Variants in SPIRE2 observed in about 807,000 individuals in gnomAD.
SPIRE2 encodes the protein protein spire homolog 2.
Under a neutral mutation model 80.7 loss-of-function variants are expected in SPIRE2, and 76 were observed. That is an observed-to-expected ratio of 0.94 (90% confidence interval 0.78 to 1.14). The LOEUF (loss-of-function observed/expected upper bound fraction) is 1.14, where lower values mean the gene tolerates loss of function less well. Among genes scored for constraint, SPIRE2 ranks in the 50% most tolerant of loss-of-function variants. The probability of loss-of-function intolerance (pLI) is 0.00; values close to 1 mark genes in which losing one functional copy is unlikely to be tolerated. For synonymous variants in SPIRE2, 535 were observed against 432.6 expected, an observed-to-expected ratio of 1.24 and a Z score of -2.94; for missense variants, 1,196 against 1,015.3, an observed-to-expected ratio of 1.18 and a Z score of -2.42.
At chr16:89,837,293 G>C (rs2041459660) in intron 1 of SPIRE2, among the ~76,000 whole-genome samples, 1 of 152,212 alleles carries the variant, frequency 6.6e-6, no homozygotes, top group South Asian at 2.1e-4. Flanking sequence ...GACTCGGATG[G>C]TGGTGAGGGG....
chr16:89,833,758 C>T (rs907271275), intron 1 of SPIRE2, among the ~76,000 whole-genome samples: 4 of 152,076 alleles, frequency 2.6e-5, no homozygotes, highest in African/African-American at 7.2e-5. Flanking sequence ...GGGAGCAGCA[C>T]GTGTGGGTCC....
At chr16:89,859,768 G>A (rs755280132) in intron 9 of SPIRE2, among the ~76,000 whole-genome samples, 10 of 152,094 alleles carry the variant, frequency 6.6e-5, no homozygotes, top group African/African-American at 9.7e-5. Flanking sequence ...TCCTTTTCGC[G>A]CTGCTGAGCA....
chr16:89,866,779 G>A (rs964541769), intron 12 of SPIRE2, among the ~76,000 whole-genome samples: 1 of 150,916 alleles, frequency 6.6e-6, no homozygotes, highest in Non-Finnish European at 1.5e-5. Context: ...TGGCTAATTT[G>A]TTTGCATTTC....
rs1182652996 is a variant in SPIRE2, at chr16:89,856,229, T to C, written c.1095T>C (p.Ala365=). 2.5e-6 allele frequency: 4 copies of C among 1,572,854 alleles called. No individual in the cohort carries two copies. Among genetic ancestry groups the C allele is most frequent in the Non-Finnish European group, 3.4e-6 (4 of 1,160,102 alleles). Residue 365 remains alanine, a synonymous_variant, in exon 7 of 15, where the codon GCT becomes GCC. Coordinates refer to ENST00000378247, the MANE Select transcript of SPIRE2 (RefSeq NM_032451.2). Reference sequence around the variant, plus strand: ...GCCCGGTGCGGGGCGAGGGCTGGGCTGCCCGCGGTGAGTGAGGGGATGGCA... The same window carrying C: ...GCCCGGTGCGGGGCGAGGGCTGGGCCGCCCGCGGTGAGTGAGGGGATGGCA... ...RLRPVRGEGW[A]ARGFGSLPCI...
intron 1 of SPIRE2, among the ~76,000 whole-genome samples, chr16:89,834,110 A>G (rs2041415797): frequency 6.6e-6 from 1 of 151,536 alleles, no homozygotes; most frequent in Non-Finnish European, 1.5e-5. Context: ...CCGTCGTAGA[A>G]GCATGGATAA....
Position 89,845,284 on chromosome 16 carries a change from G to A in SPIRE2, c.245-38G>A, listed in dbSNP as rs563189765. 2.8e-5 allele frequency: 45 copies of A among 1,607,096 alleles called. 1 individual carries two copies. The South Asian group carries it at 4.1e-4, about 15-fold the overall frequency. ...CAGCAGTGTTTATTGGGGTCCCGGGGATGCTGACAAATAACTTAACTCCCT... is the reference window on the plus strand; with the variant it reads ...CAGCAGTGTTTATTGGGGTCCCGGGAATGCTGACAAATAACTTAACTCCCT... On this transcript the variant is annotated intron_variant, in intron 1 of 14. Coordinates refer to ENST00000378247, the MANE Select transcript of SPIRE2 (RefSeq NM_032451.2).
intron 1 of SPIRE2, among the ~76,000 whole-genome samples, chr16:89,844,361 A>T (rs560917230): frequency 2.6e-5 from 4 of 151,468 alleles, no homozygotes; most frequent in African/African-American, 9.7e-5. Flanking sequence ...CTTTTAGTAG[A>T]GATAGGGTTT....
intron 9 of SPIRE2, among the ~76,000 whole-genome samples, chr16:89,859,604 T>G (rs1457578405): frequency 1.3e-5 from 2 of 152,190 alleles, no homozygotes; most frequent in Non-Finnish European, 2.9e-5. Context: ...ATGATTCTAT[T>G]ACCTAGACAT....
Position 89,870,197 on chromosome 16 carries a change from C to A in SPIRE2, c.2070C>A (p.Leu690=). 1 of 1,609,646 alleles carries A rather than the reference C, an allele frequency of 6.2e-7. No individual in the cohort carries two copies. Among genetic ancestry groups the A allele is most frequent in the Non-Finnish European group, 8.5e-7 (1 of 1,178,206 alleles). ...VRSSRKSVDV[L]NTTPRRSRQT... is the part of the protein sequence containing the mutation. ...CCAGCCGCAAGAGCGTGGACGTCCT[C>A]AACACTACGCCACGACGCAGTCGCC... The change falls in exon 15 of 15, where the codon CTC becomes CTA. Residue 690 remains leucine, a synonymous_variant. Coordinates refer to ENST00000378247, the MANE Select transcript of SPIRE2 (RefSeq NM_032451.2).
intron 1 of SPIRE2, among the ~76,000 whole-genome samples, chr16:89,841,000 G>C (rs543102405): frequency 6.6e-6 from 1 of 151,960 alleles, no homozygotes; most frequent in South Asian, 2.1e-4. Flanking sequence ...TAGCATCTTT[G>C]TTCTAGTCAT....
chr16:89,855,440 G>C (rs771997305), intron 5 of SPIRE2, among the ~76,000 whole-genome samples, 160 bp from the exon 6 acceptor site: 1 of 152,136 alleles, frequency 6.6e-6, no homozygotes, highest in African/African-American at 2.4e-5. Context: ...TGGATCTGCC[G>C]TGCGTTTACC....
intron 1 of SPIRE2, among the ~76,000 whole-genome samples, chr16:89,845,095 G>C (rs2041545260): frequency 6.6e-6 from 1 of 152,174 alleles, no homozygotes; most frequent in Admixed American, 6.5e-5. Flanking sequence ...GGGTTGCCTT[G>C]CTCTCCCGGC....
chr16:89,849,369 C>A (rs1030433137), intron 2 of SPIRE2, among the ~76,000 whole-genome samples: 5 of 152,266 alleles, frequency 3.3e-5, no homozygotes, highest in Admixed American at 6.5e-5. Context: ...GCCTCCGTCC[C>A]TGTCCCCACG....
At position 89,870,438 on chromosome 16, in the gene SPIRE2, G is replaced by A. The variant is rs1161014814; in HGVS notation, c.*166G>A. 6 of 567,508 alleles carry A rather than the reference G, an allele frequency of 1.1e-5. No individual in the cohort carries two copies. The South Asian group carries it at 1.1e-4, about 11-fold the overall frequency. The allele number at this position is 567,508 out of a possible 1,614,324, so 35.2% of individuals were successfully genotyped here. On this transcript the variant is annotated 3_prime_UTR_variant, in exon 15 of 15. Transcript: ENST00000378247. ...GTTTCCTGGCCCCAGAGCTCATTTGGGTTCAGGCGCACTTCAAAACCCTCC... is the reference window on the plus strand; with the variant it reads ...GTTTCCTGGCCCCAGAGCTCATTTGAGTTCAGGCGCACTTCAAAACCCTCC...
intron 1 of SPIRE2, among the ~76,000 whole-genome samples, chr16:89,837,775 G>A (rs1242173779): frequency 6.6e-6 from 1 of 152,170 alleles, no homozygotes; most frequent in African/African-American, 2.4e-5. Flanking sequence ...CGCCCCGTGC[G>A]GGGGGCGTGT....
chr16:89,847,921 C>A (rs918691181), intron 2 of SPIRE2, among the ~76,000 whole-genome samples: 3 of 152,186 alleles, frequency 2.0e-5, no homozygotes, highest in African/African-American at 7.2e-5. Context: ...CAGGGAGTGG[C>A]CTAGAGGGGC....
intron 1 of SPIRE2, among the ~76,000 whole-genome samples, chr16:89,840,446 TC>T (rs1480871391): frequency 6.6e-6 from 1 of 150,646 alleles, no homozygotes; most frequent in Non-Finnish European, 1.5e-5. Flanking sequence ...AGACGGGGTT[TC>T]ACCGTGTTAG....
At chr16:89,833,172 A>G (rs1214181338) in intron 1 of SPIRE2, among the ~76,000 whole-genome samples, 1 of 151,490 alleles carries the variant, frequency 6.6e-6, no homozygotes, top group African/African-American at 2.4e-5. Context: ...TATTTTTAGT[A>G]GAGATGGGGT....
intron 2 of SPIRE2, among the ~76,000 whole-genome samples, chr16:89,847,965 G>T (rs1340618781): frequency 6.6e-6 from 1 of 152,186 alleles, no homozygotes; most frequent in Admixed American, 6.5e-5. Flanking sequence ...GGGGTTGGGG[G>T]CTTTGCTGCT....
Sources: gnomAD v4.1 joint callset for allele counts (sites outside exome capture counted in the v4.1 genomes callset) on GRCh38, gnomAD v4.1.1 for gene constraint, MANE v1.5 for transcripts, NCBI Gene and HGNC (gene_info 2026-07-23, HGNC 2026-07-21) for gene names.